The following SAMMSON variants were observed in gnomAD, a reference collection of about 807,000 sequenced individuals.
SAMMSON encodes long intergenic non-protein coding RNA 1212.
At chr3:70,130,307 T>C (rs2067478021) in intron 4 of SAMMSON, among the ~76,000 whole-genome samples, 1 of 152,216 alleles carries the variant, frequency 6.6e-6, no homozygotes, top group Admixed American at 6.5e-5. Flanking sequence ...GACAAGATCA[T>C]GGACTTTGAG....
chr3:70,125,707 A>T, intron 4 of SAMMSON: 1 of 691,462 alleles, frequency 1.4e-6, no homozygotes, highest in Non-Finnish European at 2.6e-6. Flanking sequence ...CGAAGGTAAC[A>T]GCACTAGATG....
intron 4 of SAMMSON, among the ~76,000 whole-genome samples, chr3:70,109,298 T>G (rs1371412325): frequency 6.6e-6 from 1 of 152,172 alleles, no homozygotes; most frequent in Non-Finnish European, 1.5e-5. Flanking sequence ...TCTCCTAGAC[T>G]GGACTCCTAC....
At chr3:70,244,115 T>G (rs1243727698) in intron 4 of SAMMSON, among the ~76,000 whole-genome samples, 1 of 152,154 alleles carries the variant, frequency 6.6e-6, no homozygotes, top group Non-Finnish European at 1.5e-5. Flanking sequence ...CCCCCACTGG[T>G]TTTCTTTGGC....
chr3:70,098,000 TAA>T (rs984366364), intron 4 of SAMMSON, among the ~76,000 whole-genome samples: 2 of 152,232 alleles, frequency 1.3e-5, no homozygotes, highest in Non-Finnish European at 2.9e-5. Flanking sequence ...GTTGAAAGGT[TAA>T]ATTAGCTTTT....
intron 9 of SAMMSON, among the ~76,000 whole-genome samples, chr3:70,371,220 T>A (rs1311741448): frequency 6.6e-6 from 1 of 152,258 alleles, no homozygotes; most frequent in East Asian, 1.9e-4. Flanking sequence ...GCTACAGACT[T>A]GTAATATATC....
At chr3:70,327,163 A>G (rs1310588741) in intron 7 of SAMMSON, among the ~76,000 whole-genome samples, 2 of 152,194 alleles carry the variant, frequency 1.3e-5, no homozygotes, top group Non-Finnish European at 2.9e-5. Flanking sequence ...CAGCTGGATG[A>G]TGATAATAAT....
At chr3:70,303,372 T>C (rs542086362) in intron 7 of SAMMSON, among the ~76,000 whole-genome samples, 16 of 152,226 alleles carry the variant, frequency 1.1e-4, no homozygotes, top group African/African-American at 3.6e-4. Context: ...GCTTTCTTCC[T>C]TGGGACTTGG....
rs140539594 is a variant in SAMMSON at position 70,414,771 on chromosome 3, T to G, written n.234-47789T>G. Among the ~76,000 whole-genome samples, 49 of 152,294 alleles carry G rather than the reference T, an allele frequency of 3.2e-4. 2 individuals are homozygous for G. In the East Asian group the frequency reaches 9.3e-3, roughly 29 times the overall value. ...AAATGGACCTCATCTAATTCATTTATAAAGTGAACCTCATCTACCTCATCT... is the reference window on the plus strand; with the variant it reads ...AAATGGACCTCATCTAATTCATTTAGAAAGTGAACCTCATCTACCTCATCT... On this transcript the variant is annotated intron_variant and non_coding_transcript_variant, in intron 2 of 3. Transcript: ENST00000641053.
chr3:70,303,129 C>T lies in SAMMSON; in HGVS notation n.739+11886C>T, dbSNP rs144578597. Among the ~76,000 whole-genome samples, 721 of 152,266 alleles carry T rather than the reference C, an allele frequency of 4.7e-3. 3 individuals are homozygous for T. Among genetic ancestry groups the T allele is most frequent in the Middle Eastern group, 0.01 (3 of 294 alleles). On this transcript the variant is annotated intron_variant and non_coding_transcript_variant, in intron 7 of 9. Transcript: ENST00000642114. ...AGTGCTTCATCAACAGCACATATCA[C>T]GTAAGAAAATATTATTCCTTGTGGA...
At chr3:70,098,392 G>A (rs1203889160) in intron 4 of SAMMSON, among the ~76,000 whole-genome samples, 13 of 151,720 alleles carry the variant, frequency 8.6e-5, no homozygotes, top group Non-Finnish European at 1.2e-4. Context: ...TTTTGAGACG[G>A]AATCTCGCTC....
intron 9 of SAMMSON, among the ~76,000 whole-genome samples, chr3:70,358,969 A>C (rs1559571962): frequency 6.6e-6 from 1 of 152,102 alleles, no homozygotes; most frequent in African/African-American, 2.4e-5. Context: ...AGTGGCTCTT[A>C]TTCAGCTGAG....
At chr3:70,247,402 A>G (rs1160460347) in intron 4 of SAMMSON, among the ~76,000 whole-genome samples, 1 of 151,976 alleles carries the variant, frequency 6.6e-6, no homozygotes, top group African/African-American at 2.4e-5. Context: ...AAAGCCCACC[A>G]GGAAGGTTGT....
At chr3:70,288,770 T>G (rs1397751109) in intron 6 of SAMMSON, among the ~76,000 whole-genome samples, 3 of 152,090 alleles carry the variant, frequency 2.0e-5, no homozygotes, top group African/African-American at 7.2e-5. Context: ...ATATTTAGGA[T>G]AGTTAGCTCT....
chr3:70,430,411 C>T (rs571501443), intron 2 of SAMMSON, among the ~76,000 whole-genome samples: 1 of 152,104 alleles, frequency 6.6e-6, no homozygotes, highest in African/African-American at 2.4e-5. Flanking sequence ...AATTATAATA[C>T]GTTCAACGGA....
intron 2 of SAMMSON, among the ~76,000 whole-genome samples, chr3:70,428,961 T>C (rs980834771): frequency 6.6e-6 from 1 of 152,228 alleles, no homozygotes; most frequent in African/African-American, 2.4e-5. Context: ...GAATAAGTGA[T>C]AGAAACATAT....
intron 7 of SAMMSON, among the ~76,000 whole-genome samples, chr3:70,347,394 T>G (rs1197637218): frequency 6.6e-6 from 1 of 152,194 alleles, no homozygotes; most frequent in Non-Finnish European, 1.5e-5. Flanking sequence ...CTTAAATGTA[T>G]TAGAGTCTTC....
chr3:70,267,489 G>A (rs769086233), intron 6 of SAMMSON, among the ~76,000 whole-genome samples: 6 of 128,504 alleles, frequency 4.7e-5, no homozygotes, highest in Non-Finnish European at 7.7e-5. Context: ...TGCAAGCTCC[G>A]CCTCCTGGGC....
intron 8 of SAMMSON, chr3:70,354,278 G>A (rs1455930250): frequency 2.0e-5 from 3 of 152,036 alleles, no homozygotes; most frequent in Non-Finnish European, 4.4e-5. Flanking sequence ...AAACAAAAAG[G>A]TTAGTTAAAA....
intron 6 of SAMMSON, among the ~76,000 whole-genome samples, chr3:70,288,059 T>A (rs2106689275): frequency 6.6e-6 from 1 of 150,418 alleles, no homozygotes; most frequent in East Asian, 1.9e-4. Flanking sequence ...TCTATTTCCT[T>A]CAGTTCTGCT....
Sources: allele counts gnomAD v4.1 joint callset (sites outside exome capture counted in the v4.1 genomes callset), GRCh38; gene constraint gnomAD v4.1.1; transcripts MANE v1.5; gene names NCBI Gene and HGNC (gene_info 2026-07-23, HGNC 2026-07-21).